The following ARHGAP6 variants were observed in gnomAD, a reference collection of about 807,000 sequenced individuals.
ARHGAP6 encodes Rho GTPase activating protein 6.
A neutral mutation model predicts 55.7 loss-of-function variants in ARHGAP6; 16 were observed. That is an observed-to-expected ratio of 0.29 (90% confidence interval 0.19 to 0.44). The LOEUF is 0.44. Among genes scored for constraint, ARHGAP6 ranks in the 20% least tolerant of loss-of-function variants. The pLI is 1.00. For missense variants in ARHGAP6, 698 were observed against 808.9 expected (o/e 0.86, Z 1.66); for synonymous variants, 382 against 360.9 (o/e 1.06, Z -0.66).
At position 11,427,815 on chromosome X, in the gene ARHGAP6, A is replaced by AGAGGAGGAGGAG. The variant is rs775959764; in HGVS notation, c.589-173120_589-173109dup. 230 of 193,201 alleles carry AGAGGAGGAGGAG rather than the reference A, an allele frequency of 1.2e-3. 3 individuals carry two copies. Among genetic ancestry groups the AGAGGAGGAGGAG allele is most frequent in the East Asian group, 2.9e-3 (7 of 2,431 alleles). 15.9% of individuals were successfully genotyped at this position (193,201 alleles called of 1,213,427 possible). A position where few individuals can be genotyped will look rare whatever the true frequency, so the allele number is the denominator to read the frequency against. On this transcript the variant is annotated intron_variant, in intron 1 of 12. Coordinates refer to ENST00000337414, the MANE Select transcript of ARHGAP6 (RefSeq NM_013427.3). ...GCAGCGGCGCGAAGGGGGAGGGGGA[A>AGAGGAGGAGGAG]GAGGAGGAGGAGGAGGAGGAGGAGG...
chrX:11,475,221 G>T (rs5935076), intron 1 of ARHGAP6, among the ~76,000 whole-genome samples: 3,171 of 110,684 alleles, frequency 0.029, 48 homozygotes, highest in Middle Eastern at 0.056. Context: ...CATTCTTCTT[G>T]TGCCCTATTT....
chrX:11,423,230 G>A lies in ARHGAP6; in HGVS notation c.589-168523C>T, dbSNP rs191762977. On this transcript the variant is annotated intron_variant, in intron 1 of 12. Transcript: ENST00000337414. ...TGATAACTGATTCATATCAGCATAG[G>A]CCTGCAACGGCGCCCAGTTCTGGGC... Among the ~76,000 whole-genome samples the A allele has an allele frequency of 3.7e-3, 419 of 112,972 alleles. 1 individual carries two copies. The highest frequency in any genetic ancestry group is 0.014 in the Middle Eastern group (3 of 218).
intron 1 of ARHGAP6, among the ~76,000 whole-genome samples, chrX:11,457,150 C>T (rs1012036451): frequency 1.3e-4 from 15 of 111,941 alleles, no homozygotes; most frequent in African/African-American, 4.2e-4. Context: ...TACTTTCAAG[C>T]GAATGAGTCA....
chrX:11,662,988 T>C (rs1107881), intron 1 of ARHGAP6, among the ~76,000 whole-genome samples: 30 of 112,327 alleles, frequency 2.7e-4, no homozygotes, highest in African/African-American at 9.7e-4. Flanking sequence ...CTTTCCTTTC[T>C]ACTGCCTATC....
Position 11,138,934 on chromosome X carries a change from T to C in ARHGAP6, c.2854A>G (p.Arg952Gly), listed in dbSNP as rs770508263. 1.3e-4 allele frequency: 151 copies of C among 1,189,763 alleles called. No individual in the cohort carries two copies. The highest frequency in any genetic ancestry group is 1.7e-4 in the Non-Finnish European group (149 of 888,038). ...LGDAGWLDWQ[R>G]ERWQIWELLS... ...AGCTCCCAGATCTGCCAGCGCTCTCTCTGCCAGTCGAGCCAGCCAGCGTCC... is the reference window on the plus strand; with the variant it reads ...AGCTCCCAGATCTGCCAGCGCTCTCCCTGCCAGTCGAGCCAGCCAGCGTCC... The change falls in exon 13 of 13, where the codon AGA (arginine) becomes GGA (glycine). Residue 952 changes from arginine to glycine, a missense_variant. Arg to Gly is a moderately radical substitution (Grantham distance 125). This residue lies in a region of ARHGAP6 where 212 missense variants were observed against 208.7 expected (regional missense o/e 1.02). Coordinates refer to ENST00000337414, the MANE Select transcript of ARHGAP6 (RefSeq NM_013427.3).
intron 1 of ARHGAP6, among the ~76,000 whole-genome samples, chrX:11,329,298 A>G (rs990275369): frequency 2.7e-5 from 3 of 111,480 alleles, no homozygotes; most frequent in African/African-American, 9.8e-5. Context: ...TCATTTTTCA[A>G]TATTTCAAAA....
chrX:11,418,405 G>A (rs1051602569), intron 1 of ARHGAP6, among the ~76,000 whole-genome samples: 3 of 111,454 alleles, frequency 2.7e-5, no homozygotes, highest in Non-Finnish European at 5.6e-5. Context: ...GACCATTTGT[G>A]TTGATGTGCA....
chrX:11,546,690 G>A (rs186859783), intron 1 of ARHGAP6, among the ~76,000 whole-genome samples: 14 of 111,681 alleles, frequency 1.3e-4, no homozygotes, highest in Admixed American at 3.8e-4. Context: ...CAAAAATGAG[G>A]AAACTTGAAC....
chrX:11,474,380 G>A (rs1285277207), intron 1 of ARHGAP6, among the ~76,000 whole-genome samples: 1 of 111,843 alleles, frequency 8.9e-6, no homozygotes, highest in African/African-American at 3.2e-5. Flanking sequence ...TCCAGCTAAT[G>A]AAAATTTAAA....
At position 11,324,615 on chromosome X, in the gene ARHGAP6, A is replaced by C. The variant is rs183790570; in HGVS notation, c.589-69908T>G. 2.1e-3 allele frequency among the ~76,000 whole-genome samples: 230 copies of C among 110,504 alleles called. 1 individual carries two copies. Among genetic ancestry groups the C allele is most frequent in the African/African-American group, 6.8e-3 (208 of 30,407 alleles). On this transcript the variant is annotated intron_variant, in intron 1 of 12. Coordinates refer to ENST00000337414, the MANE Select transcript of ARHGAP6 (RefSeq NM_013427.3). ...TAATCTTAAAAAAAAAAAAAATCTA[A>C]AGGGCACCCATTTGTCTTCAGTTAA...
Position 11,139,282 on chromosome X carries a change from T to C in ARHGAP6, c.2506A>G (p.Arg836Gly). The C allele has an allele frequency of 8.4e-7, 1 of 1,191,614 alleles. No individual in the cohort carries two copies. Among genetic ancestry groups the C allele is most frequent in the South Asian group, 1.8e-5 (1 of 54,745 alleles). Residue 836 changes from arginine to glycine, a missense_variant, in exon 13 of 13, where the codon AGG (arginine) becomes GGG (glycine). Transcript: ENST00000337414. Reference sequence around the variant, plus strand: ...CTCAGGGTCAAGTACTGCTCCGACCTGGCCGTGGGCCGCTCGGCTTTCCCT... The same window carrying C: ...CTCAGGGTCAAGTACTGCTCCGACCCGGCCGTGGGCCGCTCGGCTTTCCCT... ...VAGKAERPTA[R>G]SEQYLTLSGA... is the part of the protein sequence containing the mutation.
At chrX:11,657,027 G>A (rs183663349) in intron 1 of ARHGAP6, among the ~76,000 whole-genome samples, 1 of 111,991 alleles carries the variant, frequency 8.9e-6, no homozygotes, top group African/African-American at 3.2e-5. Context: ...GCTGGCATGC[G>A]ATAAATATTT....
chrX:11,397,395 T>C (rs576416870), intron 1 of ARHGAP6, among the ~76,000 whole-genome samples: 1 of 111,496 alleles, frequency 9.0e-6, no homozygotes, highest in Non-Finnish European at 1.9e-5. Flanking sequence ...GTATAACATA[T>C]GCATATATAT....
chrX:11,645,177 G>A (rs1196527733), intron 1 of ARHGAP6, among the ~76,000 whole-genome samples: 1 of 111,321 alleles, frequency 9.0e-6, no homozygotes, highest in Non-Finnish European at 1.9e-5. Context: ...TGCCAGTAGG[G>A]GCAGGTTAGG....
At chrX:11,530,549 T>G (rs1236006813) in intron 1 of ARHGAP6, among the ~76,000 whole-genome samples, 2 of 112,027 alleles carry the variant, frequency 1.8e-5, no homozygotes, top group African/African-American at 6.5e-5. Context: ...TTGCATACAA[T>G]GGATGCCTTA....
intron 2 of ARHGAP6, among the ~76,000 whole-genome samples, chrX:11,228,875 T>TA (rs1171986809): frequency 8.9e-6 from 1 of 112,135 alleles, no homozygotes; most frequent in African/African-American, 3.2e-5. Context: ...AATTCTCGTA[T>TA]AAATTAGTGT....
intron 1 of ARHGAP6, among the ~76,000 whole-genome samples, chrX:11,303,957 G>A (rs754544444): frequency 8.9e-6 from 1 of 112,124 alleles, no homozygotes; most frequent in African/African-American, 3.2e-5. Flanking sequence ...TACAGTTCTT[G>A]TAATCAGAAA....
chrX:11,662,626 G>T (rs1419673578), intron 1 of ARHGAP6, among the ~76,000 whole-genome samples: 1 of 112,451 alleles, frequency 8.9e-6, no homozygotes, highest in Non-Finnish European at 1.9e-5. Context: ...AAGATAATTT[G>T]CAACAAGTGA....
intron 8 of ARHGAP6, among the ~76,000 whole-genome samples, chrX:11,177,305 A>G (rs1306934998): frequency 9.3e-6 from 1 of 107,381 alleles, no homozygotes; most frequent in African/African-American, 3.4e-5. Context: ...AAACAAAAAA[A>G]AAAATCTTGA....
Sources: gnomAD v4.1 joint callset for allele counts (sites outside exome capture counted in the v4.1 genomes callset) on GRCh38, gnomAD v4.1.1 for gene constraint, gnomAD v4.1.1 regional missense constraint, MANE v1.5 for transcripts, NCBI Gene and HGNC (gene_info 2026-07-23, HGNC 2026-07-21) for gene names.